The following SHISAL1 variants were observed in gnomAD, a reference collection of about 807,000 sequenced individuals.
SHISAL1 encodes the protein shisa like 1, also known as protein shisa-like-1.
A neutral mutation model predicts 22.6 loss-of-function variants in SHISAL1; 9 were observed. That is an observed-to-expected ratio of 0.40 (90% CI 0.24 to 0.70). SHISAL1 has a LOEUF of 0.70. SHISAL1 is among the 30% of genes least tolerant of loss of function. The probability of loss-of-function intolerance (pLI) is 0.39; values close to 1 mark genes in which losing one functional copy is unlikely to be tolerated. For synonymous variants in SHISAL1, 119 were observed against 115.4 expected (o/e 1.03, Z -0.20); for missense variants, 246 against 270.6 (o/e 0.91, Z 0.64).
At chr22:44,303,180 A>G (rs909923477) in intron 1 of SHISAL1, among the ~76,000 whole-genome samples, 12 of 152,054 alleles carry the variant, frequency 7.9e-5, no homozygotes, top group Non-Finnish European at 1.8e-4. Context: ...CTGAGCATCT[A>G]CTATGTGCCC....
chr22:44,327,322 G>A, the SHISAL1 span, among the ~76,000 whole-genome samples: 4 of 151,708 alleles, frequency 2.6e-5, no homozygotes, highest in African/African-American at 9.7e-5. Flanking sequence ...CTGGTCTGAC[G>A]CTTTCAGAGG....
intron 1 of SHISAL1, among the ~76,000 whole-genome samples, chr22:44,312,547 G>A (rs1208607886): frequency 6.6e-6 from 1 of 152,180 alleles, no homozygotes; most frequent in Non-Finnish European, 1.5e-5. Flanking sequence ...CTAGATCAGA[G>A]CCTGCTCCCC....
chr22:44,282,098 C>T (rs1372173004), intron 4 of SHISAL1, among the ~76,000 whole-genome samples: 2 of 152,232 alleles, frequency 1.3e-5, no homozygotes, highest in Non-Finnish European at 2.9e-5. Flanking sequence ...TCAGCGGTGG[C>T]CTGGGGGCTG....
At chr22:44,266,295 G>A (rs2055160472) in intron 4 of SHISAL1, among the ~76,000 whole-genome samples, 1 of 152,190 alleles carries the variant, frequency 6.6e-6, no homozygotes, top group Non-Finnish European at 1.5e-5. Context: ...AGATGCTTAA[G>A]GGAATTTTTA....
chr22:44,279,176 C>T (rs562094136), intron 4 of SHISAL1, among the ~76,000 whole-genome samples: 19 of 152,256 alleles, frequency 1.2e-4, no homozygotes, highest in South Asian at 2.1e-4. Flanking sequence ...TCCAAACAAA[C>T]GGAAAGCAGC....
intron 1 of SHISAL1, among the ~76,000 whole-genome samples, chr22:44,301,894 A>G (rs2147303563): frequency 6.6e-6 from 1 of 152,258 alleles, no homozygotes; most frequent in African/African-American, 2.4e-5. Flanking sequence ...GCAGAATGGA[A>G]GATGCCAGGG....
intron 4 of SHISAL1, among the ~76,000 whole-genome samples, chr22:44,258,214 G>A (rs2147270739): frequency 6.6e-6 from 1 of 152,334 alleles, no homozygotes; most frequent in East Asian, 1.9e-4. Context: ...GCTGAGGCAG[G>A]AGAATCACTC....
At chr22:44,273,070 T>C (rs534544521) in intron 4 of SHISAL1, among the ~76,000 whole-genome samples, 34 of 150,986 alleles carry the variant, frequency 2.3e-4, no homozygotes, top group African/African-American at 7.8e-4. Context: ...CACTCCAGCC[T>C]GGGCAACAGA....
chr22:44,298,766 G>C (rs375237815), intron 2 of SHISAL1, among the ~76,000 whole-genome samples: 2 of 152,334 alleles, frequency 1.3e-5, no homozygotes, highest in Middle Eastern at 3.4e-3. Context: ...GCAGAGATGG[G>C]GGGCCGGGGA....
In SHISAL1 at chr22:44,285,727, C is replaced by T; in HGVS notation, c.300G>A (p.Leu100=). ...CGAAAAATCCATAGATCCACACTCC[C>T]AACAAGGCGGTGTAATTGCTGCGAA... ...GYMHNNYTAL[L]GVWIYGFFVL... Residue 100 remains leucine (L), a synonymous_variant, in exon 4 of 5, where the codon TTG becomes TTA. Transcript: ENST00000381176. 1 of 1,612,516 alleles carries T rather than the reference C, an allele frequency of 6.2e-7. No homozygotes were observed. Among genetic ancestry groups the T allele is most frequent in the Non-Finnish European group, 8.5e-7 (1 of 1,178,668 alleles).
upstream of SHISAL1, among the ~76,000 whole-genome samples, chr22:44,315,346 G>A (rs1030981451): frequency 6.6e-6 from 1 of 152,176 alleles, no homozygotes; most frequent in Non-Finnish European, 1.5e-5. Flanking sequence ...CCCACACAGG[G>A]GCCTGGGTGG....
At chr22:44,295,681 C>G (rs1376495867) in intron 3 of SHISAL1, among the ~76,000 whole-genome samples, 4 of 151,996 alleles carry the variant, frequency 2.6e-5, no homozygotes, top group Non-Finnish European at 5.9e-5. Context: ...ATATAAAAAG[C>G]ACCCATAAGT....
chr22:44,263,774 C>G (rs934392361), intron 4 of SHISAL1, among the ~76,000 whole-genome samples: 12 of 152,160 alleles, frequency 7.9e-5, no homozygotes, highest in Admixed American at 6.5e-4. Context: ...CAGACTCACC[C>G]CCGTGGCCTC....
intron 1 of SHISAL1, among the ~76,000 whole-genome samples, chr22:44,304,867 G>A (rs1202778889): frequency 6.6e-6 from 1 of 152,180 alleles, no homozygotes; most frequent in East Asian, 1.9e-4. Context: ...CCCGTAGGGT[G>A]GGGCTGCCCC....
chr22:44,284,661 T>C (rs766322243), intron 4 of SHISAL1, among the ~76,000 whole-genome samples: 5 of 152,186 alleles, frequency 3.3e-5, no homozygotes, highest in Non-Finnish European at 5.9e-5. Flanking sequence ...CTCCTGTCCT[T>C]GGTGCTAGCC....
chr22:44,317,305 C>T (rs1191026725), upstream of SHISAL1, among the ~76,000 whole-genome samples: 3 of 152,256 alleles, frequency 2.0e-5, no homozygotes, highest in African/African-American at 2.4e-5. Flanking sequence ...CGGCCAGCCA[C>T]ACCGGCCCGC....
At chr22:44,291,096 A>T (rs2055349704) in intron 3 of SHISAL1, among the ~76,000 whole-genome samples, 1 of 152,216 alleles carries the variant, frequency 6.6e-6, no homozygotes, top group Non-Finnish European at 1.5e-5. Flanking sequence ...AAACATGAGC[A>T]AAAATGCTGT....
intron 2 of SHISAL1, among the ~76,000 whole-genome samples, chr22:44,298,771 C>T (rs1057418181): frequency 6.6e-6 from 1 of 152,122 alleles, no homozygotes. Context: ...GATGGGGGGC[C>T]GGGGAGGGCA....
At chr22:44,262,073 A>G (rs898815298) in intron 4 of SHISAL1, among the ~76,000 whole-genome samples, 1 of 152,204 alleles carries the variant, frequency 6.6e-6, no homozygotes, top group African/African-American at 2.4e-5. Context: ...GGACCCTGAA[A>G]CAAGAGCAGC....
Sources: allele counts gnomAD v4.1 joint callset (sites outside exome capture counted in the v4.1 genomes callset), GRCh38; gene constraint gnomAD v4.1.1; transcripts MANE v1.5; gene names NCBI Gene and HGNC (gene_info 2026-07-23, HGNC 2026-07-21).